ERICH1: variants seen among roughly 807,000 people sequenced by gnomAD.
ERICH1 encodes glutamate rich 1, also known as glutamate-rich protein 1.
In ERICH1, 56 loss-of-function variants were observed where a neutral mutation model predicts 39.6. The observed-to-expected ratio is 1.41, with a 90% CI of 1.14 to 1.77. The LOEUF (loss-of-function observed/expected upper bound fraction) is 1.77, where lower values mean the gene tolerates loss of function less well. ERICH1 is among the 40% of genes most tolerant of loss of function. The probability of loss-of-function intolerance (pLI) is 0.00; values close to 1 mark genes in which losing one functional copy is unlikely to be tolerated. For missense variants in ERICH1, 826 were observed against 575.4 expected (o/e 1.44, Z -4.45); for synonymous variants, 313 against 223.6 (o/e 1.40, Z -3.57).
downstream of ERICH1, among the ~76,000 whole-genome samples, chr8:662,578 G>A (rs1473091666): frequency 6.6e-6 from 1 of 151,552 alleles, no homozygotes. Flanking sequence ...AACCTGGGAG[G>A]TGGAGGTTGA....
chr8:703,308 G>C (rs1563307098), intron 2 of ERICH1, among the ~76,000 whole-genome samples: 1 of 151,694 alleles, frequency 6.6e-6, no homozygotes, highest in East Asian at 1.9e-4. Context: ...GAATAAGTGG[G>C]TTTGCAACAC....
chr8:645,646 C>T lies in ERICH1; in HGVS notation c.976+22952G>A, dbSNP rs1209283152. ...GCCTCCGTGGTATCAGGGAGGCGACCGTGGAGGCTTGGGAGTTGGCAGAAT... is the reference window on the plus strand; with the variant it reads ...GCCTCCGTGGTATCAGGGAGGCGACTGTGGAGGCTTGGGAGTTGGCAGAAT... On this transcript the variant is annotated intron_variant, in intron 3 of 3. Coordinates refer to the ERICH1 transcript ENST00000522706. Among the ~76,000 whole-genome samples, 12 of 67,920 alleles carry T rather than the reference C, an allele frequency of 1.8e-4. 4 individuals are homozygous for T. Among genetic ancestry groups the T allele is most frequent in the African/African-American group, 4.1e-4 (11 of 26,918 alleles). 44.6% of individuals were successfully genotyped at this position (67,920 alleles called of 152,430 possible).
intron 1 of ERICH1, among the ~76,000 whole-genome samples, chr8:720,100 C>G (rs1816945616): frequency 6.6e-6 from 1 of 152,234 alleles, no homozygotes; most frequent in African/African-American, 2.4e-5. Context: ...AACACAAAAT[C>G]TCATCATGTC....
intron 2 of ERICH1, among the ~76,000 whole-genome samples, chr8:699,797 G>T (rs113407754): frequency 4.3e-4 from 27 of 62,238 alleles, no homozygotes; most frequent in East Asian, 7.7e-4. Flanking sequence ...GCACAGACCC[G>T]CACACGCGCA....
chr8:676,593 G>GGCGCCAT (rs1181501048), intron 3 of ERICH1, among the ~76,000 whole-genome samples: 1 of 152,122 alleles, frequency 6.6e-6, no homozygotes. Flanking sequence ...ATAAGTAACT[G>GGCGCCAT]GCGCCATGCG....
Position 731,186 on chromosome 8 carries a change from A to G in ERICH1, c.-25T>C, listed in dbSNP as rs1563392494. On this transcript the variant is annotated 5_prime_UTR_variant, in exon 1 of 6. Transcript: ENST00000262109. ...TGCGGGACCCTGCCGCGGACCTCAG[A>G]CCACGGCGCGCGGTCCTGAGCTGAG... The G allele has an allele frequency of 4.0e-6, 6 of 1,495,832 alleles. No homozygotes were observed. The highest frequency in any genetic ancestry group is 2.1e-5 in the Admixed American group (1 of 46,628). 92.7% of individuals were successfully genotyped at this position (1,495,832 alleles called of 1,614,324 possible).
intron 2 of ERICH1, among the ~76,000 whole-genome samples, chr8:708,226 G>A (rs367550647): frequency 2.6e-5 from 4 of 152,250 alleles, no homozygotes; most frequent in South Asian, 4.1e-4. Context: ...ACAAGAGTCC[G>A]GCAGTTTCTG....
intron 2 of ERICH1, among the ~76,000 whole-genome samples, chr8:700,263 G>T: frequency 1.8e-5 from 1 of 54,246 alleles, no homozygotes; most frequent in African/African-American, 5.9e-5. Context: ...ACGCGCACAG[G>T]CCCGCACAGG....
At chr8:680,731 G>A (rs1444004662) in intron 3 of ERICH1, among the ~76,000 whole-genome samples, 2 of 152,214 alleles carry the variant, frequency 1.3e-5, no homozygotes, top group Non-Finnish European at 2.9e-5. Context: ...AAATGCAGTG[G>A]TCACCACTCA....
chr8:630,915 C>CT (rs1797984333), intron 3 of ERICH1, among the ~76,000 whole-genome samples: 1 of 94,326 alleles, frequency 1.1e-5, no homozygotes, highest in Non-Finnish European at 2.6e-5. Context: ...CACACCCTCC[C>CT]GTGACCACCC....
rs1585678529 is a variant in ERICH1 at position 721,094 on chromosome 8, T to C, written c.23-5087A>G. On this transcript the variant is annotated intron_variant, in intron 1 of 5. Transcript: ENST00000262109. Reference sequence around the variant, plus strand: ...AGATGATCTCAAATAGATGTCAAAATGGATATCTCATTATAAAGCGGGAGA... The same window carrying C: ...AGATGATCTCAAATAGATGTCAAAACGGATATCTCATTATAAAGCGGGAGA... Among the ~76,000 whole-genome samples, 2 of 152,226 alleles carry C rather than the reference T, an allele frequency of 1.3e-5. 1 individual carries two copies. The highest frequency in any genetic ancestry group is 2.9e-5 in the Non-Finnish European group (2 of 68,036).
At chr8:650,447 ATCTCAGTTACCG>A (rs1043485288) in intron 3 of ERICH1, among the ~76,000 whole-genome samples, 1 of 152,108 alleles carries the variant, frequency 6.6e-6, no homozygotes, top group Admixed American at 6.5e-5. Context: ...CTCGTTTTCC[ATCTCAGTTACCG>A]TCCTCGGCAG....
At chr8:686,425 CTTTT>C (rs1807390978) in intron 3 of ERICH1, among the ~76,000 whole-genome samples, 1 of 151,558 alleles carries the variant, frequency 6.6e-6, no homozygotes, top group Non-Finnish European at 1.5e-5. Flanking sequence ...GCATTCTTTT[CTTTT>C]GTTTCTTCCT....
Position 685,291 on chromosome 8 carries a change from G to A in ERICH1, c.304+7187C>T, listed in dbSNP as rs534942308. ...AGAGAAATACGGCTGTGTCCTGCCCGGCTCCCAGGCAGTCAGACCTAATGG... is the reference window on the plus strand; with the variant it reads ...AGAGAAATACGGCTGTGTCCTGCCCAGCTCCCAGGCAGTCAGACCTAATGG... On this transcript the variant is annotated intron_variant, in intron 3 of 5. Coordinates refer to ENST00000262109, the MANE Select transcript of ERICH1 (RefSeq NM_207332.3). Among the ~76,000 whole-genome samples the A allele has an allele frequency of 1.2e-4, 18 of 152,278 alleles. No homozygotes were observed. The South Asian group carries it at 1.2e-3, about 11-fold the overall frequency.
chr8:724,933 G>A (rs887860367), intron 1 of ERICH1, among the ~76,000 whole-genome samples: 4 of 152,136 alleles, frequency 2.6e-5, no homozygotes, highest in Non-Finnish European at 5.9e-5. Flanking sequence ...CCCCATTGTG[G>A]CCTCCTGGAC....
intron 3 of ERICH1, among the ~76,000 whole-genome samples, chr8:635,894 C>T (rs536521572): frequency 6.6e-6 from 1 of 152,342 alleles, no homozygotes; most frequent in South Asian, 2.1e-4. Context: ...CAAAGGTTCA[C>T]CCCATTTAAC....
chr8:663,174 T>C (rs1414912820), downstream of ERICH1, among the ~76,000 whole-genome samples: 2 of 152,180 alleles, frequency 1.3e-5, no homozygotes, highest in Non-Finnish European at 2.9e-5. Flanking sequence ...TTCCAACATG[T>C]AGAAGAGACG....
chr8:694,731 T>C (rs1419805582), intron 2 of ERICH1, among the ~76,000 whole-genome samples: 1 of 152,206 alleles, frequency 6.6e-6, no homozygotes, highest in Non-Finnish European at 1.5e-5. Context: ...ACTTTTTATA[T>C]TCTTTTGGGT....
At chr8:626,890 C>T (rs139704874) in intron 3 of ERICH1, 93 of 302,574 alleles carry the variant, frequency 3.1e-4, no homozygotes, top group African/African-American at 1.3e-3. Context: ...GCGGTTGGAA[C>T]CTGTTCATTC....
Sources: allele counts gnomAD v4.1 joint callset (sites outside exome capture counted in the v4.1 genomes callset), GRCh38; gene constraint gnomAD v4.1.1; transcripts MANE v1.5; gene names NCBI Gene and HGNC (gene_info 2026-07-23, HGNC 2026-07-21).